Variants in PACS2 observed in about 807,000 individuals in gnomAD.
PACS2 encodes the protein phosphofurin acidic cluster sorting protein 2.
Under a neutral mutation model 113.0 loss-of-function variants are expected in PACS2, and 36 were observed. That is an observed-to-expected ratio of 0.32 (90% CI 0.24 to 0.42). The LOEUF (loss-of-function observed/expected upper bound fraction) is 0.42. PACS2 is among the 10% of genes least tolerant of loss of function. The probability of loss-of-function intolerance (pLI) is 1.00; values close to 1 mark genes in which losing one functional copy is unlikely to be tolerated. For synonymous variants in PACS2, 589 were observed against 536.1 expected (o/e 1.10, Z -1.36); for missense variants, 1,015 against 1,239.5 (o/e 0.82, Z 2.72).
intron 11 of PACS2, among the ~76,000 whole-genome samples, chr14:105,380,594 T>C (rs2080954757): frequency 6.6e-6 from 1 of 151,660 alleles, no homozygotes; most frequent in African/African-American, 2.4e-5. Flanking sequence ...GCGCCTGGAC[T>C]CACCCCACCC....
At chr14:105,380,624 A>T (rs2080956509) in intron 11 of PACS2, among the ~76,000 whole-genome samples, 1 of 151,278 alleles carries the variant, frequency 6.6e-6, no homozygotes, top group African/African-American at 2.4e-5. Context: ...GGGCCCCCGG[A>T]CTCCCCCCAC....
intron 1 of PACS2, among the ~76,000 whole-genome samples, chr14:105,316,899 G>A (rs979484348): frequency 6.6e-6 from 1 of 151,766 alleles, no homozygotes; most frequent in Non-Finnish European, 1.5e-5. Context: ...TGGGCGGAGG[G>A]GCGAGTGGCG....
At chr14:105,316,906 G>T (rs959327911) in intron 1 of PACS2, among the ~76,000 whole-genome samples, 3 of 152,052 alleles carry the variant, frequency 2.0e-5, no homozygotes, top group African/African-American at 7.3e-5. Context: ...AGGGGCGAGT[G>T]GCGCAGCTGA....
Position 105,383,464 on chromosome 14 carries a change from C to G in PACS2, c.1731C>G (p.His577Gln), listed in dbSNP as rs782395088. ...GGCTCTTTGTGGAGCAGCTGTCCCACAAGACACCCGACTGGCTCGGCTACA... is the reference window on the plus strand; with the variant it reads ...GGCTCTTTGTGGAGCAGCTGTCCCAGAAGACACCCGACTGGCTCGGCTACA... ...ILRLFVEQLS[H>Q]KTPDWLGYMR... is the part of the protein sequence containing the mutation. The change falls in exon 16 of 25, where the codon CAC becomes CAG. Residue 577 changes from histidine (H) to glutamine (Q), a missense_variant. Around this residue, in one of 3 missense-constraint regions of PACS2, gnomAD observed 859 missense variants for 1,056.8 expected, o/e 0.81. Transcript: ENST00000447393. 1 of 1,608,912 alleles carries G rather than the reference C, an allele frequency of 6.2e-7. No homozygotes were observed. Among genetic ancestry groups the G allele is most frequent in the East Asian group, 2.2e-5 (1 of 44,838 alleles).
chr14:105,338,623 C>T (rs587702157), intron 1 of PACS2, among the ~76,000 whole-genome samples: 6 of 152,248 alleles, frequency 3.9e-5, no homozygotes, highest in East Asian at 1.9e-4. Context: ...CCTCACCTCC[C>T]GTTCCCAGGT....
rs587739971 is a variant in PACS2 at position 105,317,898 on chromosome 14, G to C, written c.119+2861G>C. On this transcript the variant is annotated intron_variant, in intron 1 of 24. Coordinates refer to ENST00000447393, the MANE Select transcript of PACS2 (RefSeq NM_001100913.3). The surrounding 1 kb of genome is among the most constrained non-coding windows in gnomAD (Gnocchi z 4.2). Reference sequence around the variant, plus strand: ...TGCTGGGCTGTTGTTGGGGAGGCCTGTGCTCCGGGTTTCCTTGCGACGCTT... The same window carrying C: ...TGCTGGGCTGTTGTTGGGGAGGCCTCTGCTCCGGGTTTCCTTGCGACGCTT... 2.6e-5 allele frequency among the ~76,000 whole-genome samples: 4 copies of C among 152,296 alleles called. No individual in the cohort carries two copies. The East Asian group carries it at 7.7e-4, about 29-fold the overall frequency.
intron 4 of PACS2, among the ~76,000 whole-genome samples, chr14:105,359,512 T>G (rs1334398478): frequency 2.0e-5 from 3 of 151,770 alleles, no homozygotes; most frequent in Non-Finnish European, 2.9e-5. Flanking sequence ...TTCACCCTGT[T>G]GTCCAGGCTG....
chr14:105,363,947 A>G (rs1016878168), intron 4 of PACS2, among the ~76,000 whole-genome samples: 5 of 152,114 alleles, frequency 3.3e-5, no homozygotes, highest in Admixed American at 6.5e-5. Context: ...AGACATGGGA[A>G]TGGCCGGTGG....
rs1383159099 is a variant in PACS2 at position 105,315,778 on chromosome 14, T to C, written c.119+741T>C. Among the ~76,000 whole-genome samples the C allele has an allele frequency of 6.6e-6, 1 of 152,230 alleles. No individual in the cohort carries two copies. The highest frequency in any genetic ancestry group is 1.9e-4 in the East Asian group (1 of 5,200). On this transcript the variant is annotated intron_variant, in intron 1 of 24. Coordinates refer to ENST00000447393, the MANE Select transcript of PACS2 (RefSeq NM_001100913.3). The surrounding 1 kb of genome is among the most constrained non-coding windows in gnomAD (Gnocchi z 4.4). The stretch of plus-strand genomic sequence containing the variant: ...TCTCCTGCTCAGTTTGAAACTTTTG[T>C]AATTTCTTCGTGACTTGGTAGTTCC...
chr14:105,376,891 G>A lies in PACS2; in HGVS notation c.925G>A (p.Asp309Asn), dbSNP rs1375798643. The A allele has an allele frequency of 1.9e-6, 3 of 1,612,448 alleles. No individual in the cohort carries two copies. Among genetic ancestry groups the A allele is most frequent in the Admixed American group, 1.7e-5 (1 of 59,912 alleles). ...SDSGPDMEDD[D>N]SVLSTPKPKL... Reference sequence around the variant, plus strand: ...CAGCGGCCCCGACATGGAGGATGACGACAGCGTCCTCAGCACCCCCAAGCC... The same window carrying A: ...CAGCGGCCCCGACATGGAGGATGACAACAGCGTCCTCAGCACCCCCAAGCC... The change falls in exon 9 of 25, where the codon GAC (aspartate) becomes AAC (asparagine). Residue 309 changes from aspartate to asparagine, a missense_variant. Physicochemically the swap from Asp to Asn is conservative, Grantham distance 23 (BLOSUM62 1). Transcript: ENST00000447393. The surrounding 1 kb of genome is among the most constrained non-coding windows in gnomAD (Gnocchi z 4.7).
chr14:105,318,505 G>A (rs2058752638), intron 1 of PACS2, among the ~76,000 whole-genome samples: 1 of 152,084 alleles, frequency 6.6e-6, no homozygotes, highest in Non-Finnish European at 1.5e-5. Flanking sequence ...CCAGGCTGGA[G>A]TGCAGTGGTG....
chr14:105,351,713 T>A (rs1443956688), intron 2 of PACS2, among the ~76,000 whole-genome samples: 2 of 152,102 alleles, frequency 1.3e-5, no homozygotes, highest in Admixed American at 6.6e-5. Flanking sequence ...TTTGTGGTGG[T>A]ACATGCCTGT....
rs782203340 is a variant in PACS2 at position 105,355,074 on chromosome 14, A to T, written c.320A>T (p.Glu107Val). 1.9e-6 allele frequency: 3 copies of T among 1,613,478 alleles called. No homozygotes were observed. The highest frequency in any genetic ancestry group is 2.5e-6 in the Non-Finnish European group (3 of 1,179,866). Residue 107 changes from glutamate (E) to valine (V), a missense_variant, in exon 4 of 25, where the codon GAA (glutamate) becomes GTA (valine). Coordinates refer to ENST00000447393, the MANE Select transcript of PACS2 (RefSeq NM_001100913.3). The surrounding 1 kb of genome is among the most constrained non-coding windows in gnomAD (Gnocchi z 4.1). The part of the protein sequence containing the change: ...SLQYPHFLKR[E>V]GNKLQIMLQR... ...CAGTATCCTCACTTCTTGAAGAGGG[A>T]AGGCAACAAGCTTCAGATCATGCTG...
Position 105,368,488 on chromosome 14 carries a change from G to A in PACS2, c.690G>A (p.Gly230=), listed in dbSNP as rs587610730. The change falls in exon 7 of 25, where the codon GGG becomes GGA. Residue 230 remains glycine (G), a synonymous_variant. Transcript: ENST00000447393. ...QDLDEDDFDV[G]KPKKQRRSIV... Reference sequence around the variant, plus strand: ...TGGACGAGGACGACTTTGACGTGGGGAAGCCGAAGAAGCAGCGGAGATCGA... The same window carrying A: ...TGGACGAGGACGACTTTGACGTGGGAAAGCCGAAGAAGCAGCGGAGATCGA... The A allele has an allele frequency of 5.0e-4, 801 of 1,614,080 alleles. 1 individual carries two copies. Among genetic ancestry groups the A allele is most frequent in the Non-Finnish European group, 6.4e-4 (761 of 1,179,982 alleles).
chr14:105,353,473 T>C (rs1426234819), intron 3 of PACS2, among the ~76,000 whole-genome samples: 1 of 152,086 alleles, frequency 6.6e-6, no homozygotes, highest in Non-Finnish European at 1.5e-5. Context: ...GTGAGAGCAT[T>C]TGTCTCATCA....
intron 19 of PACS2, 126 bp downstream of exon 19, chr14:105,385,843 G>T: frequency 1.9e-6 from 1 of 537,228 alleles, no homozygotes; most frequent in East Asian, 3.3e-5. Context: ...GGCCCTGAGG[G>T]CCACCAGCTG....
Position 105,391,635 on chromosome 14 carries a change from C to T in PACS2, c.2124C>T (p.Asp708=), listed in dbSNP as rs372384553. 7 of 1,609,260 alleles carry T rather than the reference C, an allele frequency of 4.3e-6. No homozygotes were observed. In the African/African-American group the frequency reaches 5.3e-5, roughly 12 times the overall value. Residue 708 remains aspartate, a synonymous_variant, in exon 22 of 25, where the codon GAC becomes GAT. Transcript: ENST00000447393. ...CCCTGTGACTCCTCCCCAAAGGCGA[C>T]TCGGACGACGCGGCCCCCTCGGGCT... The part of the protein sequence containing the change: ...IVEPSSATSG[D]SDDAAPSGSG...
intron 8 of PACS2, among the ~76,000 whole-genome samples, chr14:105,375,844 C>A (rs1344000368): frequency 6.6e-6 from 1 of 152,196 alleles, no homozygotes; most frequent in South Asian, 2.1e-4. Flanking sequence ...CTGTGATGGT[C>A]ATAATGCCCG....
intron 24 of PACS2, chr14:105,393,664 A>G: frequency 4.8e-6 from 1 of 206,958 alleles, no homozygotes; most frequent in East Asian, 1.4e-4. Flanking sequence ...ATCTCAGCTC[A>G]CTGCAACTTC....
Sources: allele counts gnomAD v4.1 joint callset (sites outside exome capture counted in the v4.1 genomes callset), GRCh38; gene constraint gnomAD v4.1.1; regional missense constraint gnomAD v4.1.1; non-coding constraint Gnocchi (gnomAD v3.1); transcripts MANE v1.5; gene names NCBI Gene and HGNC (gene_info 2026-07-23, HGNC 2026-07-21).